Variants in LGSN observed in about 807,000 individuals in gnomAD.
LGSN encodes the protein lengsin, lens protein with glutamine synthetase domain.
Under a neutral mutation model 19.5 loss-of-function variants are expected in LGSN, and 21 were observed. That is an observed-to-expected ratio of 1.07 (90% CI 0.76 to 1.55). The LOEUF (loss-of-function observed/expected upper bound fraction) is 1.55. LGSN is among the 40% of genes most tolerant of loss of function. The probability of loss-of-function intolerance (pLI) is 0.00; values close to 1 mark genes in which losing one functional copy is unlikely to be tolerated. For synonymous variants in LGSN, 257 were observed against 215.6 expected, an observed-to-expected ratio of 1.19 and a Z score of -1.68; for missense variants, 673 against 608.5, an observed-to-expected ratio of 1.11 and a Z score of -1.12.
the LGSN span, among the ~76,000 whole-genome samples, chr6:63,366,095 C>T: frequency 3.9e-5 from 6 of 152,166 alleles, no homozygotes; most frequent in African/African-American, 1.2e-4. Context: ...ACAGGGCACT[C>T]AGGCAGGAGA....
chr6:63,500,877 G>A, the LGSN span, among the ~76,000 whole-genome samples: 3 of 151,930 alleles, frequency 2.0e-5, no homozygotes, highest in African/African-American at 7.3e-5. Flanking sequence ...AGAGGCACGT[G>A]CCACCAGGCC....
the LGSN span, among the ~76,000 whole-genome samples, chr6:63,538,690 G>T: frequency 6.6e-6 from 1 of 152,032 alleles, no homozygotes; most frequent in Non-Finnish European, 1.5e-5. Context: ...TTTAGTTTTT[G>T]CCTACAATAG....
At chr6:63,332,638 C>T in the LGSN span, among the ~76,000 whole-genome samples, 8 of 152,134 alleles carry the variant, frequency 5.3e-5, no homozygotes, top group Admixed American at 1.3e-4. Context: ...CCAGCGGCCG[C>T]GCTAGTCGCT....
At chr6:63,281,992 G>A (rs565224137) in intron 3 of LGSN, among the ~76,000 whole-genome samples, 2 of 152,066 alleles carry the variant, frequency 1.3e-5, no homozygotes, top group African/African-American at 2.4e-5. Context: ...GGTGAATTTC[G>A]GCAAGTCATT....
chr6:63,484,977 T>C, the LGSN span, among the ~76,000 whole-genome samples: 3 of 152,218 alleles, frequency 2.0e-5, no homozygotes, highest in Admixed American at 1.3e-4. Flanking sequence ...TTTAGATTTA[T>C]TCTATGCATT....
At chr6:63,350,646 G>A in the LGSN span, among the ~76,000 whole-genome samples, 1 of 152,166 alleles carries the variant, frequency 6.6e-6, no homozygotes, top group Admixed American at 6.5e-5. Flanking sequence ...GAGGTCAGAA[G>A]TTCCAGACCA....
At chr6:63,353,144 T>G in the LGSN span, among the ~76,000 whole-genome samples, 3 of 152,242 alleles carry the variant, frequency 2.0e-5, no homozygotes, top group East Asian at 5.8e-4. Flanking sequence ...GATTGGTTAT[T>G]GAATGTTTTA....
At chr6:63,542,072 C>CA in the LGSN span, among the ~76,000 whole-genome samples, 2 of 146,432 alleles carry the variant, frequency 1.4e-5, no homozygotes, top group Admixed American at 1.4e-4. Context: ...TATACATACA[C>CA]AATGGAATAC....
chr6:63,557,843 AAG>A, the LGSN span, among the ~76,000 whole-genome samples: 1 of 152,126 alleles, frequency 6.6e-6, no homozygotes, highest in Non-Finnish European at 1.5e-5. Flanking sequence ...GATTTTGAGA[AAG>A]AGGATAGCAA....
At chr6:63,510,249 T>C in the LGSN span, among the ~76,000 whole-genome samples, 2 of 152,166 alleles carry the variant, frequency 1.3e-5, no homozygotes. Context: ...CTCTAAATCA[T>C]GCTTGTTTGG....
the LGSN span, among the ~76,000 whole-genome samples, chr6:63,335,457 A>G: frequency 6.6e-6 from 1 of 152,204 alleles, no homozygotes; most frequent in Admixed American, 6.5e-5. Flanking sequence ...ACAGCTCAAC[A>G]ATAAAAAATA....
the LGSN span, among the ~76,000 whole-genome samples, chr6:63,532,430 A>C: frequency 2.6e-5 from 4 of 152,172 alleles, no homozygotes; most frequent in Non-Finnish European, 5.9e-5. Flanking sequence ...GGACCTGCTC[A>C]TGGCTGCATA....
chr6:63,444,082 T>A, the LGSN span, among the ~76,000 whole-genome samples: 1 of 152,178 alleles, frequency 6.6e-6, no homozygotes, highest in South Asian at 2.1e-4. Flanking sequence ...TTTTTTATCA[T>A]CTAGAAGTAA....
chr6:63,423,224 T>A, the LGSN span, among the ~76,000 whole-genome samples: 1 of 152,148 alleles, frequency 6.6e-6, no homozygotes, highest in Non-Finnish European at 1.5e-5. Flanking sequence ...TGCCAATCCG[T>A]AGACCCAGCT....
At chr6:63,352,379 T>C in the LGSN span, among the ~76,000 whole-genome samples, 2 of 152,154 alleles carry the variant, frequency 1.3e-5, no homozygotes, top group Admixed American at 6.6e-5. Context: ...AAATGTTTTG[T>C]TTGGCCAGGT....
the LGSN span, among the ~76,000 whole-genome samples, chr6:63,556,722 C>T: frequency 1.3e-5 from 2 of 152,312 alleles, no homozygotes; most frequent in South Asian, 2.1e-4. Context: ...TACTGCTTGT[C>T]AGTTCTTGTT....
At chr6:63,282,192 A>ATT (rs1767346067) in intron 3 of LGSN, among the ~76,000 whole-genome samples, 1 of 152,224 alleles carries the variant, frequency 6.6e-6, no homozygotes, top group African/African-American at 2.4e-5. Context: ...ATTTCTGGAA[A>ATT]TTATGTATTA....
chr6:63,372,729 A>G, the LGSN span, among the ~76,000 whole-genome samples: 1 of 152,200 alleles, frequency 6.6e-6, no homozygotes, highest in Admixed American at 6.5e-5. Flanking sequence ...ATCTTCCATC[A>G]TATGGAATCT....
the LGSN span, among the ~76,000 whole-genome samples, chr6:63,421,191 G>A: frequency 6.6e-6 from 1 of 151,932 alleles, no homozygotes; most frequent in Admixed American, 6.6e-5. Context: ...GGAGGCTGAA[G>A]TGGGTGGATC....
Sources: gnomAD v4.1 joint callset for allele counts (sites outside exome capture counted in the v4.1 genomes callset) on GRCh38, gnomAD v4.1.1 for gene constraint, MANE v1.5 for transcripts, NCBI Gene and HGNC (gene_info 2026-07-23, HGNC 2026-07-21) for gene names.